Variants in N4BP2 observed in about 807,000 individuals in gnomAD.
N4BP2 encodes the protein NEDD4-binding protein 2.
In N4BP2, 91 loss-of-function variants were observed where a neutral mutation model predicts 152.8. That is an observed-to-expected ratio of 0.60 (90% CI 0.50 to 0.71). N4BP2 has a LOEUF of 0.71. N4BP2 is among the 30% of genes least tolerant of loss of function. The pLI, the probability that N4BP2 is intolerant of heterozygous loss-of-function variation, is 0.00. For missense variants in N4BP2, 1,923 were observed against 2,059.1 expected (o/e 0.93, Z 1.28); for synonymous variants, 646 against 705.3 (o/e 0.92, Z 1.33).
At chr4:40,089,680 G>T (rs1714344510) in intron 2 of N4BP2, among the ~76,000 whole-genome samples, 2 of 151,936 alleles carry the variant, frequency 1.3e-5, no homozygotes, top group South Asian at 4.2e-4. Context: ...CAAGTGATCT[G>T]CATGCCTCAG....
chr4:40,093,209 G>A (rs904667689), intron 2 of N4BP2, among the ~76,000 whole-genome samples: 2 of 152,106 alleles, frequency 1.3e-5, no homozygotes, highest in Admixed American at 6.6e-5. Context: ...CTCCCAAAGT[G>A]CTGGGATTAC....
intron 14 of N4BP2, chr4:40,142,439 C>G (rs1720103488): frequency 2.3e-6 from 1 of 431,604 alleles, no homozygotes; most frequent in Non-Finnish European, 4.2e-6. Flanking sequence ...TTAGAGAACT[C>G]TTCAACATCT....
At chr4:40,066,197 G>A (rs146763378) in intron 1 of N4BP2, among the ~76,000 whole-genome samples, 1,587 of 152,130 alleles carry the variant, frequency 0.01, 32 homozygotes, top group African/African-American at 0.035. Context: ...CCAGTGTGTT[G>A]GGATTACAGG....
intron 16 of N4BP2, among the ~76,000 whole-genome samples, chr4:40,146,565 A>C (rs1270184602): frequency 6.6e-6 from 1 of 152,198 alleles, no homozygotes; most frequent in Non-Finnish European, 1.5e-5. Flanking sequence ...TTTATATTGA[A>C]AGTATGCAAT....
chr4:40,132,408 TTATG>T (rs1221128649), intron 13 of N4BP2, among the ~76,000 whole-genome samples: 1 of 152,148 alleles, frequency 6.6e-6, no homozygotes, highest in Admixed American at 6.5e-5. Flanking sequence ...GTCTACCTTT[TTATG>T]TATGTGGTAT....
In N4BP2 at chr4:40,157,304, T is replaced by G. The variant is rs1276165465; in HGVS notation, c.*3067T>G. Reference sequence around the variant, plus strand: ...TAGTATTTCCATACTATTTGCAACTTTATGGCCTTTAAATATAGGACATAT... The same window carrying G: ...TAGTATTTCCATACTATTTGCAACTGTATGGCCTTTAAATATAGGACATAT... On this transcript the variant is annotated 3_prime_UTR_variant, in exon 18 of 18. Transcript: ENST00000261435. 1 of 152,154 alleles carries G rather than the reference T, an allele frequency of 6.6e-6. No individual in the cohort carries two copies. The highest frequency in any genetic ancestry group is 1.5e-5 in the Non-Finnish European group (1 of 67,974). The allele number at this position is 152,154 out of a possible 1,614,324, so 9.4% of individuals were successfully genotyped here.
At chr4:40,098,634 T>C (rs946564620) in intron 3 of N4BP2, among the ~76,000 whole-genome samples, 5 of 152,236 alleles carry the variant, frequency 3.3e-5, no homozygotes, top group African/African-American at 1.2e-4. Context: ...TGTCCAGTTA[T>C]GCATGTAGAA....
chr4:40,072,210 A>T (rs546424232), intron 1 of N4BP2, among the ~76,000 whole-genome samples: 2 of 141,520 alleles, frequency 1.4e-5, no homozygotes, highest in East Asian at 4.1e-4. Flanking sequence ...GAGTAAGCTG[A>T]GACTACAGGC....
intron 16 of N4BP2, among the ~76,000 whole-genome samples, chr4:40,150,483 A>G (rs28622271): frequency 6.6e-6 from 1 of 152,124 alleles, no homozygotes; most frequent in African/African-American, 2.4e-5. Flanking sequence ...CCTGGCCAAC[A>G]TGGTGAAACC....
intron 1 of N4BP2, among the ~76,000 whole-genome samples, chr4:40,060,950 A>G (rs890967312): frequency 6.6e-6 from 1 of 151,992 alleles, no homozygotes; most frequent in Non-Finnish European, 1.5e-5. Context: ...TTGATCATGT[A>G]TTAGCTGCTT....
In N4BP2 at chr4:40,109,686, C is replaced by T. The variant is rs567446180; in HGVS notation, c.1499-2398C>T. Among the ~76,000 whole-genome samples, 5 of 151,854 alleles carry T rather than the reference C, an allele frequency of 3.3e-5. 1 individual carries two copies. The South Asian group carries it at 6.2e-4, about 19-fold the overall frequency. On this transcript the variant is annotated intron_variant, in intron 5 of 17. Coordinates refer to ENST00000261435, the MANE Select transcript of N4BP2 (RefSeq NM_018177.6). ...TGAGTCAGGATCCCACTACTGCACT[C>T]CAGCCTGGGTGACAGAGCAAGACTC...
At chr4:40,183,578 C>T in the N4BP2 span, among the ~76,000 whole-genome samples, 11 of 152,114 alleles carry the variant, frequency 7.2e-5, no homozygotes, top group South Asian at 1.9e-3. Flanking sequence ...CCTCGTGATC[C>T]GCCCGCCTCG....
intron 6 of N4BP2, 140 bp downstream of exon 6, chr4:40,112,312 C>A: frequency 1.8e-6 from 1 of 544,086 alleles, no homozygotes; most frequent in South Asian, 3.0e-5. Flanking sequence ...TGGTGTTCAG[C>A]AAAATGAGGA....
chr4:40,180,558 A>T, the N4BP2 span, among the ~76,000 whole-genome samples: 1 of 152,356 alleles, frequency 6.6e-6, no homozygotes, highest in East Asian at 1.9e-4. Context: ...ATTCCACAGG[A>T]ATACTTAATT....
At chr4:40,097,861 A>G (rs191934569) in intron 3 of N4BP2, among the ~76,000 whole-genome samples, 2 of 152,274 alleles carry the variant, frequency 1.3e-5, no homozygotes, top group East Asian at 1.9e-4. Flanking sequence ...CACTGTTGAC[A>G]CTTCAGGCTA....
At position 40,120,059 on chromosome 4, in the gene N4BP2, G is replaced by A; in HGVS notation, c.1948G>A (p.Val650Ile). 1 of 1,610,290 alleles carries A rather than the reference G, an allele frequency of 6.2e-7. No homozygotes were observed. The highest frequency in any genetic ancestry group is 1.1e-5 in the South Asian group (1 of 90,942). Residue 650 changes from valine (V) to isoleucine (I), a missense_variant, in exon 9 of 18, where the codon GTT (valine) becomes ATT (isoleucine). Physicochemically the swap from Val to Ile is conservative, Grantham distance 29 (BLOSUM62 3). Coordinates refer to ENST00000261435, the MANE Select transcript of N4BP2 (RefSeq NM_018177.6). ...VTKETMLPENVAYLSNADLNK... is the reference protein window; with the variant it reads ...VTKETMLPENIAYLSNADLNK... The stretch of plus-strand genomic sequence containing the variant: ...CAAAGAAACAATGTTACCTGAGAAT[G>A]TTGCATATCTCTCTAATGCAGATTT...
At position 40,144,753 on chromosome 4, in the gene N4BP2, A is replaced by T; in HGVS notation, c.5096A>T (p.Asp1699Val). 1.9e-6 allele frequency: 3 copies of T among 1,613,928 alleles called. No homozygotes were observed. Among genetic ancestry groups the T allele is most frequent in the Non-Finnish European group, 2.5e-6 (3 of 1,179,940 alleles). ...NVLDLHGLHVDEALEHLMRVL... is the reference protein window; with the variant it reads ...NVLDLHGLHVVEALEHLMRVL... ...TTAGACCTCCATGGGCTGCATGTGG[A>T]TGAAGCTCTAGAACATTTGATGAGA... Residue 1699 changes from aspartate (D) to valine (V), a missense_variant, in exon 16 of 18, where the codon GAT becomes GTT. Physicochemically the swap from Asp to Val is radical, Grantham distance 152. Coordinates refer to ENST00000261435, the MANE Select transcript of N4BP2 (RefSeq NM_018177.6).
At chr4:40,085,504 T>G (rs1713853618) in intron 2 of N4BP2, among the ~76,000 whole-genome samples, 1 of 152,194 alleles carries the variant, frequency 6.6e-6, no homozygotes, top group African/African-American at 2.4e-5. Flanking sequence ...TCACTGAGGC[T>G]GGAGTGCAGT....
At chr4:40,170,873 A>G in the N4BP2 span, among the ~76,000 whole-genome samples, 1 of 152,200 alleles carries the variant, frequency 6.6e-6, no homozygotes, top group Non-Finnish European at 1.5e-5. Flanking sequence ...ATTTTGCTCA[A>G]TGATGTATTT....
Sources: gnomAD v4.1 joint callset for allele counts (sites outside exome capture counted in the v4.1 genomes callset) on GRCh38, gnomAD v4.1.1 for gene constraint, MANE v1.5 for transcripts, NCBI Gene and HGNC (gene_info 2026-07-23, HGNC 2026-07-21) for gene names.